Variants in DEDD observed in about 807,000 individuals in gnomAD.
DEDD encodes death effector domain-containing protein.
Under a neutral mutation model 29.2 loss-of-function variants are expected in DEDD, and 3 were observed. That is an observed-to-expected ratio of 0.10 (90% CI 0.05 to 0.27). The LOEUF (loss-of-function observed/expected upper bound fraction) is 0.27, where lower values mean the gene tolerates loss of function less well. Ranked by LOEUF, DEDD falls within the 10% of genes least tolerant of loss-of-function variation. The pLI is 1.00. For synonymous variants in DEDD, 152 were observed against 161.3 expected, an observed-to-expected ratio of 0.94 and a Z score of 0.44; for missense variants, 261 against 420.5, an observed-to-expected ratio of 0.62 and a Z score of 3.32.
intron 2 of DEDD, among the ~76,000 whole-genome samples, chr1:161,126,990 T>C (rs768824993): frequency 1.2e-4 from 19 of 152,198 alleles, no homozygotes; most frequent in South Asian, 8.3e-4. Context: ...GCATATCTCC[T>C]TTACACCATT....
rs2101735821 is a variant in DEDD, at chr1:161,122,581, G to C, written c.581-58C>G. On this transcript the variant is annotated intron_variant, in intron 5 of 5. Coordinates refer to ENST00000368006, the MANE Select transcript of DEDD (RefSeq NM_032998.3). This position sits in a 1 kb window ranked among gnomAD's most constrained non-coding sequence, Gnocchi z 4.2. The stretch of plus-strand genomic sequence containing the variant: ...GTTACAGTAAGGGATGAGTTTACAA[G>C]CCAAGCTTGAAAACTGAAAAGCACA... The C allele has an allele frequency of 6.4e-7, 1 of 1,560,158 alleles. No homozygotes were observed. The highest frequency in any genetic ancestry group is 8.7e-7 in the Non-Finnish European group (1 of 1,153,722).
In DEDD at chr1:161,121,991, A is replaced by T. The variant is rs919224265; in HGVS notation, c.*156T>A. ...CACATGGGTGCAGGGAGGGGTGGGG[A>T]ATACCACTTCCACTTTCTTTTGTCT... On this transcript the variant is annotated 3_prime_UTR_variant, in exon 6 of 6. Transcript: ENST00000368006. The T allele has an allele frequency of 4.3e-5, 42 of 972,416 alleles. No individual in the cohort carries two copies. The highest frequency in any genetic ancestry group is 5.9e-5 in the Non-Finnish European group (39 of 665,168). The allele number at this position is 972,416 out of a possible 1,614,324, so 60.2% of individuals were successfully genotyped here.
intron 5 of DEDD, 36 bp downstream of exon 5, chr1:161,123,039 G>C (rs1368027667): frequency 6.2e-7 from 1 of 1,614,198 alleles, no homozygotes; most frequent in Non-Finnish European, 8.5e-7. Context: ...TCTCCTTCAA[G>C]TCTGCTCCAT....
In DEDD at chr1:161,121,042, T is replaced by C; in HGVS notation, c.*1105A>G. ...TGCTGAGGGCTGAGCAGCACTGGCA[T>C]TGAAAAATATAATAATCATAAAGTC... On this transcript the variant is annotated 3_prime_UTR_variant, in exon 6 of 6. Transcript: ENST00000368006. 1 of 1,301,154 alleles carries C rather than the reference T, an allele frequency of 7.7e-7. No homozygotes were observed. Among genetic ancestry groups the C allele is most frequent in the Non-Finnish European group, 9.8e-7 (1 of 1,020,592 alleles). 80.6% of individuals were successfully genotyped at this position (1,301,154 alleles called of 1,614,324 possible).
Position 161,123,007 on chromosome 1 carries a change from G to C in DEDD, c.580+68C>G, listed in dbSNP as rs772988092. On this transcript the variant is annotated intron_variant, in intron 5 of 5. Transcript: ENST00000368006. Reference sequence around the variant, plus strand: ...CACACTGAATAGCATAAACTGCCCAGTGTCCCAGCAGTTCTTTATATTCTC... The same window carrying C: ...CACACTGAATAGCATAAACTGCCCACTGTCCCAGCAGTTCTTTATATTCTC... 3.1e-5 allele frequency: 50 copies of C among 1,614,078 alleles called. No homozygotes were observed. The Admixed American group carries it at 8.3e-4, about 27-fold the overall frequency.
Position 161,130,861 on chromosome 1 carries a change from C to G in DEDD, c.-97-14G>C, listed in dbSNP as rs1656611465. 1 of 152,158 alleles carries G rather than the reference C, an allele frequency of 6.6e-6. No homozygotes were observed. The highest frequency in any genetic ancestry group is 2.4e-5 in the African/African-American group (1 of 41,444). 9.4% of individuals were successfully genotyped at this position (152,158 alleles called of 1,614,324 possible). On this transcript the variant is annotated splice_polypyrimidine_tract_variant and intron_variant, in intron 1 of 5. Coordinates refer to ENST00000368006, the MANE Select transcript of DEDD (RefSeq NM_032998.3). ...CCAGGTCTCTTCCTAGCACAAGTTTCACAGCCAGCAGCAAAACAAAAACAA... is the reference window on the plus strand; with the variant it reads ...CCAGGTCTCTTCCTAGCACAAGTTTGACAGCCAGCAGCAAAACAAAAACAA...
chr1:161,123,368 A>G, intron 4 of DEDD, 147 bp from the exon 5 acceptor site: 1 of 806,682 alleles, frequency 1.2e-6, no homozygotes, highest in South Asian at 1.7e-5. Context: ...GACCAGGTGC[A>G]GTGGCTCACG....
chr1:161,129,483 G>A (rs1052734530), intron 2 of DEDD, among the ~76,000 whole-genome samples: 5 of 148,942 alleles, frequency 3.4e-5, no homozygotes, highest in African/African-American at 1.2e-4. Flanking sequence ...TGTGGTCCCA[G>A]CTACTCTGAT....
chr1:161,122,926 TC>T lies in DEDD; in HGVS notation c.580+148del. Reference sequence around the variant, plus strand: ...TGCCACAATCATAAAGAGCAGTTCTTCCACCAGACACCAAACCATTCAGCCT... The same window carrying T: ...TGCCACAATCATAAAGAGCAGTTCTTCACCAGACACCAAACCATTCAGCCT... On this transcript the variant is annotated intron_variant, in intron 5 of 5. Transcript: ENST00000368006. This position sits in a 1 kb window ranked among gnomAD's most constrained non-coding sequence, Gnocchi z 4.2. The T allele has an allele frequency of 6.8e-7, 1 of 1,463,102 alleles. No homozygotes were observed. Among genetic ancestry groups the T allele is most frequent in the Non-Finnish European group, 9.6e-7 (1 of 1,045,262 alleles). 90.6% of individuals were successfully genotyped at this position (1,463,102 alleles called of 1,614,324 possible).
intron 3 of DEDD, 33 bp downstream of exon 3, chr1:161,124,105 C>CAG: frequency 6.3e-7 from 1 of 1,594,464 alleles, no homozygotes; most frequent in African/African-American, 1.3e-5. Flanking sequence ...TCCCACAACT[C>CAG]TTCCCTGATT....
intron 2 of DEDD, 59 bp from the exon 3 acceptor site, chr1:161,124,585 T>A (rs1655952444): frequency 6.8e-7 from 1 of 1,460,084 alleles, no homozygotes; most frequent in Admixed American, 2.7e-5. Flanking sequence ...GTCTCATGCA[T>A]TCCCATATTC....
chr1:161,123,774 A>C (rs1655834014), intron 4 of DEDD, 65 bp downstream of exon 4: 1 of 1,410,392 alleles, frequency 7.1e-7, no homozygotes, highest in African/African-American at 1.4e-5. Flanking sequence ...CAAAGCCCAG[A>C]ATGTGATGGG....
chr1:161,131,426 G>A (rs1656658937), intron 1 of DEDD, among the ~76,000 whole-genome samples: 2 of 152,108 alleles, frequency 1.3e-5, no homozygotes. Flanking sequence ...AACAGCAAAA[G>A]GGTCTGGAAA....
chr1:161,126,667 C>T (rs1399169517), intron 2 of DEDD, among the ~76,000 whole-genome samples: 1 of 152,078 alleles, frequency 6.6e-6, no homozygotes, highest in East Asian at 1.9e-4. Context: ...TTTACACACA[C>T]ATCAAGCCTT....
Position 161,123,000 on chromosome 1 carries a change from C to T in DEDD, c.580+75G>A. On this transcript the variant is annotated intron_variant, in intron 5 of 5. Coordinates refer to ENST00000368006, the MANE Select transcript of DEDD (RefSeq NM_032998.3). The surrounding 1 kb of genome is among the most constrained non-coding windows in gnomAD (Gnocchi z 4.2). ...TGAATCTCACACTGAATAGCATAAA[C>T]TGCCCAGTGTCCCAGCAGTTCTTTA... is the stretch of plus-strand genomic sequence containing the variant. 1 of 1,614,168 alleles carries T rather than the reference C, an allele frequency of 6.2e-7. No individual in the cohort carries two copies. The highest frequency in any genetic ancestry group is 8.5e-7 in the Non-Finnish European group (1 of 1,179,986).
chr1:161,121,927 C>T lies in DEDD; in HGVS notation c.*220G>A, dbSNP rs892546640. 6.4e-5 allele frequency: 36 copies of T among 560,186 alleles called. No homozygotes were observed. The highest frequency in any genetic ancestry group is 4.8e-4 in the South Asian group (20 of 41,288). 34.7% of individuals were successfully genotyped at this position (560,186 alleles called of 1,614,324 possible). On this transcript the variant is annotated 3_prime_UTR_variant, in exon 6 of 6. Coordinates refer to ENST00000368006, the MANE Select transcript of DEDD (RefSeq NM_032998.3). Reference sequence around the variant, plus strand: ...GTAAGGTAGCTGTAGAGACACATTACGGGGTAAATGGAAAAGGGAAATAAA... The same window carrying T: ...GTAAGGTAGCTGTAGAGACACATTATGGGGTAAATGGAAAAGGGAAATAAA...
At chr1:161,131,905 C>G (rs1025159141) in intron 1 of DEDD, among the ~76,000 whole-genome samples, 1 of 151,970 alleles carries the variant, frequency 6.6e-6, no homozygotes. Flanking sequence ...CATTCCACTC[C>G]CCTTCCTCCC....
At chr1:161,124,628 G>A (rs895964235) in intron 2 of DEDD, 102 bp from the exon 3 acceptor site, 3 of 1,344,762 alleles carry the variant, frequency 2.2e-6, no homozygotes, top group Non-Finnish European at 1.9e-6. Context: ...ACAGTATAGT[G>A]CTTTATACAT....
chr1:161,122,641 C>CTAG lies in DEDD; in HGVS notation c.581-119_581-118insCTA. 7.9e-7 allele frequency: 1 copy of CTAG among 1,261,342 alleles called. No individual in the cohort carries two copies. Among genetic ancestry groups the CTAG allele is most frequent in the South Asian group, 1.5e-5 (1 of 67,580 alleles). The allele number at this position is 1,261,342 out of a possible 1,614,324, so 78.1% of individuals were successfully genotyped here. A position where few individuals can be genotyped will look rare whatever the true frequency, so the allele number is the denominator to read the frequency against. On this transcript the variant is annotated intron_variant, in intron 5 of 5. Coordinates refer to ENST00000368006, the MANE Select transcript of DEDD (RefSeq NM_032998.3). The surrounding 1 kb of genome is among the most constrained non-coding windows in gnomAD (Gnocchi z 4.2). ...AAAAGTAGGGAATATCACCTGACAG[C>CTAG]TTCTCTACCTCTTCCCCAGGACTAT...
Sources: gnomAD v4.1 joint callset for allele counts (sites outside exome capture counted in the v4.1 genomes callset) on GRCh38, gnomAD v4.1.1 for gene constraint, Gnocchi (gnomAD v3.1) non-coding constraint, MANE v1.5 for transcripts, NCBI Gene and HGNC (gene_info 2026-07-23, HGNC 2026-07-21) for gene names.